Variants in SLC44A5 observed in about 807,000 individuals in gnomAD.
SLC44A5 encodes the protein solute carrier family 44 member 5, also known as choline transporter-like protein 5.
In SLC44A5, 57 loss-of-function variants were observed where a neutral mutation model predicts 101.8. The observed-to-expected ratio is 0.56, with a 90% confidence interval of 0.45 to 0.70. The LOEUF (loss-of-function observed/expected upper bound fraction) is 0.70, where lower values mean the gene tolerates loss of function less well. Ranked by LOEUF, SLC44A5 falls within the 30% of genes least tolerant of loss-of-function variation. SLC44A5 has a pLI of 0.00. For missense variants in SLC44A5, 737 were observed against 853.1 expected, an observed-to-expected ratio of 0.86 and a Z score of 1.70; for synonymous variants, 281 against 290.9, an observed-to-expected ratio of 0.97 and a Z score of 0.35.
chr1:75,642,914 A>G, the SLC44A5 span, among the ~76,000 whole-genome samples: 2 of 152,200 alleles, frequency 1.3e-5, no homozygotes, highest in African/African-American at 4.8e-5. Context: ...TTATATTTCT[A>G]TCAAGGCGAA....
chr1:75,474,590 A>G (rs1465232695), intron 2 of SLC44A5, among the ~76,000 whole-genome samples: 3 of 152,234 alleles, frequency 2.0e-5, no homozygotes, highest in Non-Finnish European at 4.4e-5. Context: ...ATGTTACACA[A>G]GGATGTTTTG....
chr1:75,321,450 CAGAGAG>C (rs58617518), intron 4 of SLC44A5, among the ~76,000 whole-genome samples: 126 of 146,266 alleles, frequency 8.6e-4, no homozygotes, highest in South Asian at 3.3e-3. Context: ...TGTTATATGG[CAGAGAG>C]AGAGAGAGAG....
At chr1:75,659,834 G>C in the SLC44A5 span, among the ~76,000 whole-genome samples, 3 of 151,866 alleles carry the variant, frequency 2.0e-5, no homozygotes, top group Non-Finnish European at 4.4e-5. Context: ...CAAAATACTA[G>C]CAAACCAAAT....
chr1:75,284,528 A>G (rs1462045443), intron 5 of SLC44A5, among the ~76,000 whole-genome samples: 3 of 152,078 alleles, frequency 2.0e-5, no homozygotes, highest in African/African-American at 7.2e-5. Flanking sequence ...TACTCTGGCT[A>G]GGACTTCTAG....
chr1:75,624,583 G>A, the SLC44A5 span, among the ~76,000 whole-genome samples: 1 of 152,076 alleles, frequency 6.6e-6, no homozygotes, highest in Non-Finnish European at 1.5e-5. Context: ...TTAGAGAAGA[G>A]GAAATCTGGA....
chr1:75,679,048 G>C, the SLC44A5 span, among the ~76,000 whole-genome samples: 2 of 152,076 alleles, frequency 1.3e-5, no homozygotes, highest in Non-Finnish European at 2.9e-5. Context: ...GAAGCGAGAA[G>C]GGAAGTTTAG....
At chr1:75,588,106 T>C (rs1674124561) in intron 1 of SLC44A5, among the ~76,000 whole-genome samples, 1 of 152,060 alleles carries the variant, frequency 6.6e-6, no homozygotes, top group African/African-American at 2.4e-5. Flanking sequence ...TGAAAGTAGT[T>C]TACTCGATAA....
intron 11 of SLC44A5, among the ~76,000 whole-genome samples, chr1:75,236,150 C>T (rs1455085506): frequency 1.3e-5 from 2 of 151,992 alleles, no homozygotes; most frequent in African/African-American, 4.8e-5. Flanking sequence ...TAGGGATGGG[C>T]ACATTATTTG....
At chr1:75,484,416 C>A (rs539358982) in intron 2 of SLC44A5, among the ~76,000 whole-genome samples, 74 of 152,340 alleles carry the variant, frequency 4.9e-4, no homozygotes, top group African/African-American at 1.7e-3. Context: ...CTAAAATGAT[C>A]TTCTTTGACT....
intron 1 of SLC44A5, among the ~76,000 whole-genome samples, chr1:75,565,219 A>T (rs1023932785): frequency 1.3e-5 from 2 of 152,182 alleles, no homozygotes; most frequent in Non-Finnish European, 2.9e-5. Flanking sequence ...ATCTATTTTC[A>T]TCGGAATATT....
chr1:75,507,593 C>T (rs951256382), intron 2 of SLC44A5, among the ~76,000 whole-genome samples: 34 of 152,120 alleles, frequency 2.2e-4, no homozygotes, highest in Non-Finnish European at 1.6e-4. Flanking sequence ...GTCCCTCCTC[C>T]TCGATTTTTT....
chr1:75,551,483 A>G (rs1671933927), intron 1 of SLC44A5, among the ~76,000 whole-genome samples: 1 of 152,140 alleles, frequency 6.6e-6, no homozygotes, highest in South Asian at 2.1e-4. Context: ...ACAGGGATTA[A>G]AATGTGCTGA....
chr1:75,495,408 T>C (rs1260226927), intron 2 of SLC44A5, among the ~76,000 whole-genome samples: 3 of 151,888 alleles, frequency 2.0e-5, no homozygotes, highest in Admixed American at 2.0e-4. Context: ...TGAGCCGAGA[T>C]TGCGCCACTG....
rs369997923 is a variant in SLC44A5 at position 75,444,483 on chromosome 1, GAAGAAAGA to G, written c.14-47870_14-47863del. 6.9e-4 allele frequency among the ~76,000 whole-genome samples: 97 copies of G among 140,730 alleles called. 2 individuals are homozygous for G. Among genetic ancestry groups the G allele is most frequent in the African/African-American group, 2.3e-3 (86 of 37,798 alleles). The allele number at this position is 140,730 out of a possible 152,430, so 92.3% of individuals were successfully genotyped here. On this transcript the variant is annotated intron_variant, in intron 2 of 23. Transcript: ENST00000370859. Reference sequence around the variant, plus strand: ...AAAGAAAAAAAGAAAGAGAAAGAAAGAAGAAAGAAAGAAAGAAAGAAAGAAAAAGAAAA... The same window carrying G: ...AAAGAAAAAAAGAAAGAGAAAGAAAGAAGAAAGAAAGAAAGAAAAAGAAAA...
chr1:75,352,168 C>A (rs1454459497), intron 3 of SLC44A5, among the ~76,000 whole-genome samples: 1 of 151,994 alleles, frequency 6.6e-6, no homozygotes, highest in African/African-American at 2.4e-5. Context: ...ACTTTCTGTG[C>A]TTTATGTTGT....
chr1:75,396,479 A>C, intron 3 of SLC44A5, 104 bp downstream of exon 3: 1 of 979,666 alleles, frequency 1.0e-6, no homozygotes, highest in South Asian at 1.5e-5. Context: ...TTCTTTACCA[A>C]ACAAATATTT....
At chr1:75,383,654 T>G (rs577145872) in intron 3 of SLC44A5, among the ~76,000 whole-genome samples, 22 of 152,252 alleles carry the variant, frequency 1.4e-4, no homozygotes, top group African/African-American at 5.3e-4. Context: ...CCAGGAGAAC[T>G]TCCCCAATCT....
At chr1:75,413,419 G>A in intron 2 of SLC44A5, among the ~76,000 whole-genome samples, 1 of 151,892 alleles carries the variant, frequency 6.6e-6, no homozygotes, top group Non-Finnish European at 1.5e-5. Flanking sequence ...CCAACCACAG[G>A]ACCAACATAA....
Position 75,492,223 on chromosome 1 carries a change from C to T in SLC44A5, c.13+49212G>A, listed in dbSNP as rs542640066. On this transcript the variant is annotated intron_variant, in intron 2 of 23. Coordinates refer to ENST00000370859, the MANE Select transcript of SLC44A5 (RefSeq NM_001130058.2). ...AAATTTTTTCTCTTGAAATGCACATCATGTGTAACATTTCAAAGGTCATTC... is the reference window on the plus strand; with the variant it reads ...AAATTTTTTCTCTTGAAATGCACATTATGTGTAACATTTCAAAGGTCATTC... Among the ~76,000 whole-genome samples the T allele has an allele frequency of 5.6e-4, 85 of 152,234 alleles. 1 individual carries two copies. The highest frequency in any genetic ancestry group is 1.9e-3 in the African/African-American group (78 of 41,560).
Sources: allele counts gnomAD v4.1 joint callset (sites outside exome capture counted in the v4.1 genomes callset), GRCh38; gene constraint gnomAD v4.1.1; transcripts MANE v1.5; gene names NCBI Gene and HGNC (gene_info 2026-07-23, HGNC 2026-07-21).